The following PDCD11 variants were observed in gnomAD, a reference collection of about 807,000 sequenced individuals.
The protein encoded by PDCD11 is protein RRP5 homolog.
In PDCD11, 97 loss-of-function variants were observed where a neutral mutation model predicts 198.9. That is an observed-to-expected ratio of 0.49 (90% CI 0.41 to 0.58). PDCD11 has a LOEUF of 0.58. Among genes scored for constraint, PDCD11 ranks in the 20% least tolerant of loss-of-function variants. The pLI is 0.00. For synonymous variants in PDCD11, 893 were observed against 918.0 expected, an observed-to-expected ratio of 0.97 and a Z score of 0.49; for missense variants, 2,102 against 2,312.7, an observed-to-expected ratio of 0.91 and a Z score of 1.87.
In PDCD11 at chr10:103,414,010, C is replaced by T. The variant is rs898044439; in HGVS notation, c.1230C>T (p.Ala410=). 10 of 1,613,686 alleles carry T rather than the reference C, an allele frequency of 6.2e-6. No homozygotes were observed. The highest frequency in any genetic ancestry group is 8.5e-6 in the Non-Finnish European group (10 of 1,179,808). The change falls in exon 10 of 36, where the codon GCC becomes GCT. Residue 410 remains alanine (A), a synonymous_variant. Coordinates refer to ENST00000369797, the MANE Select transcript of PDCD11 (RefSeq NM_014976.2). ...SDSKNVFNPE[A]FKPGNTHKCR... is the part of the protein sequence containing the mutation. ...CTAAGAACGTCTTCAATCCTGAGGC[C>T]TTCAAGCCAGGGAACACTCACAAGT...
At position 103,413,949 on chromosome 10, in the gene PDCD11, C is replaced by A; in HGVS notation, c.1186-17C>A. 6.3e-7 allele frequency: 1 copy of A among 1,599,630 alleles called. No individual in the cohort carries two copies. Among genetic ancestry groups the A allele is most frequent in the South Asian group, 1.1e-5 (1 of 88,792 alleles). On this transcript the variant is annotated splice_polypyrimidine_tract_variant and intron_variant, in intron 9 of 35. Transcript: ENST00000369797. The stretch of plus-strand genomic sequence containing the variant: ...CTGTTGTCCCTGGCTTATCCTCAAT[C>A]ACTTGGTACTTTGCAGCTCAGCCAT...
At chr10:103,443,072 TGGGAG>T in intron 32 of PDCD11, 88 bp from the exon 33 acceptor site, 1 of 1,126,396 alleles carries the variant, frequency 8.9e-7, no homozygotes, top group Non-Finnish European at 1.3e-6. Context: ...AGATAGAGGC[TGGGAG>T]GGGGAGGTGG....
intron 16 of PDCD11, among the ~76,000 whole-genome samples, chr10:103,419,953 C>CTTTTTTTTT (rs35847749): frequency 1.0e-5 from 1 of 97,400 alleles, no homozygotes. Context: ...ACATGCCAGG[C>CTTTTTTTTT]TTTTTTTTTT....
chr10:103,434,008 C>G lies in PDCD11; in HGVS notation c.3535C>G (p.Pro1179Ala), dbSNP rs764291318. 6.2e-7 allele frequency: 1 copy of G among 1,613,904 alleles called. No homozygotes were observed. Among genetic ancestry groups the G allele is most frequent in the African/African-American group, 1.3e-5 (1 of 75,030 alleles). ...EIAPDIRGRI[P>A]LLLTSLSFKV... ...TGCCCCAGACATCCGGGGGAGAATT[C>G]CCTTATTGCTCACTTCTCTGAGCTT... The change falls in exon 23 of 36, where the codon CCC (proline) becomes GCC (alanine). Residue 1179 changes from proline (P) to alanine (A), a missense_variant. Pro to Ala is a conservative substitution (Grantham distance 27). Coordinates refer to ENST00000369797, the MANE Select transcript of PDCD11 (RefSeq NM_014976.2).
chr10:103,412,467 TG>T (rs1238120537), intron 8 of PDCD11, among the ~76,000 whole-genome samples: 2 of 152,038 alleles, frequency 1.3e-5, no homozygotes, highest in Non-Finnish European at 2.9e-5. Flanking sequence ...ATTACAGGTG[TG>T]TGCCACCACA....
rs145236320 is a variant in PDCD11, at chr10:103,426,211, G to A, written c.3305+686G>A. Among the ~76,000 whole-genome samples, 201 of 152,266 alleles carry A rather than the reference G, an allele frequency of 1.3e-3. 4 individuals are homozygous for A. The Middle Eastern group carries it at 0.054, about 41-fold the overall frequency. On this transcript the variant is annotated intron_variant, in intron 20 of 35. Transcript: ENST00000369797. ...GGTTGCTGGCCTCAGTTACTGCGCT[G>A]TATACATCTGCAGTTGTCATTCTCC... is the stretch of plus-strand genomic sequence containing the variant.
intron 21 of PDCD11, among the ~76,000 whole-genome samples, chr10:103,431,510 T>C (rs1455316024): frequency 6.6e-6 from 1 of 151,976 alleles, no homozygotes; most frequent in African/African-American, 2.4e-5. Context: ...GAGAATCACT[T>C]GAACCTGGGG....
chr10:103,433,844 A>G, intron 22 of PDCD11, 104 bp from the exon 23 acceptor site: 1 of 833,118 alleles, frequency 1.2e-6, no homozygotes, highest in Non-Finnish European at 2.0e-6. Flanking sequence ...GTCTCTTGGA[A>G]AAGTGTACTG....
At chr10:103,399,958 T>C (rs2093455769) in intron 2 of PDCD11, 1 of 152,470 alleles carries the variant, frequency 6.6e-6, no homozygotes, top group Admixed American at 6.5e-5. Context: ...CCCAAAGTGT[T>C]GGGATTACTG....
rs778957391 is a variant in PDCD11 at position 103,406,656 on chromosome 10, G to A, written c.736G>A (p.Val246Met). The A allele has an allele frequency of 1.2e-6, 2 of 1,614,064 alleles. No individual in the cohort carries two copies. The highest frequency in any genetic ancestry group is 2.2e-5 in the East Asian group (1 of 44,898). ...GQYLNCIVEK[V>M]KGNGGVVSLS... ...GTACCTGAACTGCATTGTTGAAAAG[G>A]TGAAAGGCAACGGAGGAGTTGTTAG... Residue 246 changes from valine (V) to methionine (M), a missense_variant, in exon 7 of 36, where the codon GTG (valine) becomes ATG (methionine). Transcript: ENST00000369797.
At chr10:103,410,616 CT>C (rs1316510810) in intron 8 of PDCD11, among the ~76,000 whole-genome samples, 5 of 89,778 alleles carry the variant, frequency 5.6e-5, no homozygotes, top group African/African-American at 1.2e-4. Flanking sequence ...TTTTTTTTTT[CT>C]TTTTTTTTTA....
intron 3 of PDCD11, 69 bp from the exon 4 acceptor site, chr10:103,403,049 C>T: frequency 7.0e-7 from 1 of 1,430,888 alleles, no homozygotes. Context: ...ACACTAGAAG[C>T]CAGACCTTCC....
chr10:103,444,734 G>A, intron 35 of PDCD11, 52 bp downstream of exon 35: 1 of 1,548,494 alleles, frequency 6.5e-7, no homozygotes, highest in Admixed American at 1.7e-5. Context: ...GGCGTGGTAG[G>A]CACTGGTCCC....
intron 21 of PDCD11, among the ~76,000 whole-genome samples, chr10:103,429,722 C>T (rs2133730054): frequency 6.6e-6 from 1 of 152,164 alleles, no homozygotes; most frequent in Non-Finnish European, 1.5e-5. Context: ...TAACTAAATG[C>T]ATGTTATACA....
intron 20 of PDCD11, among the ~76,000 whole-genome samples, chr10:103,425,818 T>C (rs2031672988): frequency 6.6e-6 from 1 of 152,190 alleles, no homozygotes; most frequent in African/African-American, 2.4e-5. Flanking sequence ...TAGCTGGGAC[T>C]ACAGGCACCC....
chr10:103,403,711 C>T (rs1386197242), intron 4 of PDCD11, among the ~76,000 whole-genome samples: 1 of 152,126 alleles, frequency 6.6e-6, no homozygotes, highest in Non-Finnish European at 1.5e-5. Context: ...TGGGGTACAG[C>T]ATAACGTGTA....
At chr10:103,407,431 C>T (rs897847419) in intron 7 of PDCD11, among the ~76,000 whole-genome samples, 20 of 151,938 alleles carry the variant, frequency 1.3e-4, no homozygotes, top group Non-Finnish European at 2.1e-4. Flanking sequence ...GGTGTGGTGG[C>T]GGGTACCTGT....
intron 2 of PDCD11, among the ~76,000 whole-genome samples, chr10:103,399,394 G>A (rs943960028): frequency 2.0e-5 from 3 of 152,010 alleles, no homozygotes; most frequent in African/African-American, 7.3e-5. Context: ...GAGATGGGGA[G>A]AGATGATGTT....
chr10:103,440,476 G>A lies in PDCD11; in HGVS notation c.4335G>A (p.Lys1445=). Residue 1445 remains lysine (K), a synonymous_variant, in exon 29 of 36, where the codon AAG becomes AAA. Transcript: ENST00000369797. The stretch of plus-strand genomic sequence containing the variant: ...AAAGGAACGAGAAGAAGAACCAGAA[G>A]GGGCAGGAGGAGGTGGAGATGCCCA... ...NQKRNEKKNQ[K]GQEEVEMPSK... is the part of the protein sequence containing the mutation. 1 of 1,614,038 alleles carries A rather than the reference G, an allele frequency of 6.2e-7. No homozygotes were observed. Among genetic ancestry groups the A allele is most frequent in the Non-Finnish European group, 8.5e-7 (1 of 1,179,962 alleles).
Sources: allele counts gnomAD v4.1 joint callset (sites outside exome capture counted in the v4.1 genomes callset), GRCh38; gene constraint gnomAD v4.1.1; transcripts MANE v1.5; gene names NCBI Gene and HGNC (gene_info 2026-07-23, HGNC 2026-07-21).